JMY: variants seen among roughly 807,000 people sequenced by gnomAD.
The protein encoded by JMY is junction-mediating and -regulatory protein.
A neutral mutation model predicts 103.3 loss-of-function variants in JMY; 46 were observed. That is an observed-to-expected ratio of 0.45 (90% CI 0.35 to 0.57). JMY has a LOEUF of 0.57. Among genes scored for constraint, JMY ranks in the 20% least tolerant of loss-of-function variants. JMY has a pLI of 0.00. For synonymous variants in JMY, 526 were observed against 489.3 expected (o/e 1.07, Z -0.99); for missense variants, 1,238 against 1,255.2 (o/e 0.99, Z 0.21).
rs1256421514 is a variant in JMY at position 79,324,052 on chromosome 5, T to C, written c.*2450T>C. The stretch of plus-strand genomic sequence containing the variant: ...GGTGCAGGTTCCTACTTCTACAAAA[T>C]TTCAAATGATTGCAGGTCAAAAACC... On this transcript the variant is annotated 3_prime_UTR_variant, in exon 11 of 11. Transcript: ENST00000396137. 6.6e-6 allele frequency: 1 copy of C among 152,198 alleles called. No homozygotes were observed. Among genetic ancestry groups the C allele is most frequent in the East Asian group, 1.9e-4 (1 of 5,196 alleles). 9.4% of individuals were successfully genotyped at this position (152,198 alleles called of 1,614,324 possible).
rs1747634829 is a variant in JMY, at chr5:79,326,092, T to C, written c.*4490T>C. ...AAGGTGCATGTACAGAAAATACCTC[T>C]GAGGTTGACTTGTTAAATAACTGAT... On this transcript the variant is annotated 3_prime_UTR_variant, in exon 11 of 11. Coordinates refer to ENST00000396137, the MANE Select transcript of JMY (RefSeq NM_152405.5). 6.6e-6 allele frequency: 1 copy of C among 152,206 alleles called. No individual in the cohort carries two copies. Among genetic ancestry groups the C allele is most frequent in the Non-Finnish European group, 1.5e-5 (1 of 68,016 alleles). The allele number at this position is 152,206 out of a possible 1,614,324, so 9.4% of individuals were successfully genotyped here.
intron 2 of JMY, 89 bp downstream of exon 2, chr5:79,278,172 A>T (rs151298244): frequency 3.9e-5 from 5 of 128,430 alleles, no homozygotes; most frequent in Non-Finnish European, 5.3e-5. Flanking sequence ...AGGAACTTTA[A>T]AAAAAAAAAA....
chr5:79,278,585 C>CAAAAAA lies in JMY; in HGVS notation c.1206+525_1206+530dup, dbSNP rs34278536. Among the ~76,000 whole-genome samples the CAAAAAA allele has an allele frequency of 4.6e-3, 263 of 57,128 alleles. 20 individuals carry two copies. Among genetic ancestry groups the CAAAAAA allele is most frequent in the Non-Finnish European group, 5.6e-3 (190 of 33,726 alleles). The allele number at this position is 57,128 out of a possible 152,430, so 37.5% of individuals were successfully genotyped here. A position where few individuals can be genotyped will look rare whatever the true frequency, so the allele number is the denominator to read the frequency against. On this transcript the variant is annotated intron_variant, in intron 2 of 10. Transcript: ENST00000396137. Reference sequence around the variant, plus strand: ...GGGCAACACGGAGAACCCGTCTCTACAAAAAAAAAAAAAAAAAAAAAAAAA... The same window carrying CAAAAAA: ...GGGCAACACGGAGAACCCGTCTCTACAAAAAAAAAAAAAAAAAAAAAAAAAAAAAAA...
At chr5:79,317,583 AAT>A (rs563239328) in intron 10 of JMY, among the ~76,000 whole-genome samples, 230 of 152,314 alleles carry the variant, frequency 1.5e-3, no homozygotes, top group Non-Finnish European at 2.7e-3. Context: ...TTCTTGATGG[AAT>A]ATGTTTCTCT....
Position 79,316,209 on chromosome 5 carries a change from A to G in JMY, c.2869A>G (p.Thr957Ala), listed in dbSNP as rs1747213243. The change falls in exon 10 of 11, where the codon ACA (threonine) becomes GCA (alanine). Residue 957 changes from threonine to alanine, a missense_variant. Transcript: ENST00000396137. ...ACTTCTACCCGATACAGACCCTCTA[A>G]CACGGAGCATCCATGAAGCTCTTAG... is the stretch of plus-strand genomic sequence containing the variant. ...FTLLPDTDPL[T>A]RSIHEALRRI... is the part of the protein sequence containing the mutation. 6 of 1,614,022 alleles carry G rather than the reference A, an allele frequency of 3.7e-6. No homozygotes were observed. The East Asian group carries it at 1.3e-4, about 36-fold the overall frequency.
intron 4 of JMY, among the ~76,000 whole-genome samples, chr5:79,298,923 A>G (rs1283258119): frequency 6.6e-6 from 1 of 152,214 alleles, no homozygotes; most frequent in Non-Finnish European, 1.5e-5. Context: ...GGTTTTACCA[A>G]CCTCGCCAGA....
chr5:79,288,629 C>G (rs1285561342), intron 2 of JMY, among the ~76,000 whole-genome samples: 2 of 151,964 alleles, frequency 1.3e-5, no homozygotes, highest in African/African-American at 4.8e-5. Flanking sequence ...ATTTCTACAC[C>G]TGATGCTCCC....
At chr5:79,308,936 CTCT>C (rs1411007303) in intron 7 of JMY, among the ~76,000 whole-genome samples, 1 of 151,972 alleles carries the variant, frequency 6.6e-6, no homozygotes, top group African/African-American at 2.4e-5. Context: ...GTCTTTCTTC[CTCT>C]TCTTTGTCAG....
intron 1 of JMY, among the ~76,000 whole-genome samples, chr5:79,257,035 C>T (rs180980541): frequency 6.6e-6 from 1 of 151,552 alleles, no homozygotes; most frequent in African/African-American, 2.4e-5. Context: ...TTAAGTTCCA[C>T]ATTCCTTATT....
chr5:79,253,899 T>G (rs2112056107), intron 1 of JMY, among the ~76,000 whole-genome samples: 1 of 151,762 alleles, frequency 6.6e-6, no homozygotes, highest in South Asian at 2.1e-4. Context: ...AATACTGGGC[T>G]CAAGTGATCC....
At position 79,324,086 on chromosome 5, in the gene JMY, TACTC is replaced by T. The variant is rs1747552324; in HGVS notation, c.*2487_*2490del. 1.3e-5 allele frequency: 2 copies of T among 151,804 alleles called. No homozygotes were observed. The highest frequency in any genetic ancestry group is 2.1e-4 in the South Asian group (1 of 4,796). 9.4% of individuals were successfully genotyped at this position (151,804 alleles called of 1,614,324 possible). A position where few individuals can be genotyped will look rare whatever the true frequency, so the allele number is the denominator to read the frequency against. On this transcript the variant is annotated 3_prime_UTR_variant, in exon 11 of 11. Coordinates refer to ENST00000396137, the MANE Select transcript of JMY (RefSeq NM_152405.5). ...ATTGCAGGTCAAAAACCTTTGGAGTTACTCACAAATAATAATAAAATTTCAAATA... is the reference window on the plus strand; with the variant it reads ...ATTGCAGGTCAAAAACCTTTGGAGTTACAAATAATAATAAAATTTCAAATA...
At chr5:79,249,230 C>T (rs1745002821) in intron 1 of JMY, among the ~76,000 whole-genome samples, 1 of 150,960 alleles carries the variant, frequency 6.6e-6, no homozygotes, top group African/African-American at 2.4e-5. Flanking sequence ...CCATATTGGC[C>T]AGGCTGGTCT....
intron 1 of JMY, among the ~76,000 whole-genome samples, chr5:79,261,851 C>A (rs1158780011): frequency 6.6e-6 from 1 of 152,116 alleles, no homozygotes; most frequent in African/African-American, 2.4e-5. Flanking sequence ...TGTCAAACTC[C>A]TGGCCTCAAG....
At chr5:79,238,736 C>A (rs1473741241) in intron 1 of JMY, among the ~76,000 whole-genome samples, 1 of 151,634 alleles carries the variant, frequency 6.6e-6, no homozygotes, top group Non-Finnish European at 1.5e-5. Context: ...CAGCCTCCCC[C>A]TCCCGGGTTC....
At chr5:79,312,312 G>T in intron 7 of JMY, 91 bp from the exon 8 acceptor site, 1 of 676,148 alleles carries the variant, frequency 1.5e-6, no homozygotes, top group Non-Finnish European at 2.3e-6. Flanking sequence ...CATCCCCTTT[G>T]GCCCACATTA....
chr5:79,322,679 A>G lies in JMY; in HGVS notation c.*1077A>G, dbSNP rs1245430216. 6.6e-6 allele frequency: 1 copy of G among 152,200 alleles called. No individual in the cohort carries two copies. Among genetic ancestry groups the G allele is most frequent in the Non-Finnish European group, 1.5e-5 (1 of 68,036 alleles). 9.4% of individuals were successfully genotyped at this position (152,200 alleles called of 1,614,324 possible). On this transcript the variant is annotated 3_prime_UTR_variant, in exon 11 of 11. Transcript: ENST00000396137. The stretch of plus-strand genomic sequence containing the variant: ...AGTCACTAAAATTTTAAACTTATAC[A>G]CAGCTTTAGGTGCTGATTTTGGCTG...
intron 1 of JMY, among the ~76,000 whole-genome samples, chr5:79,252,960 G>T (rs1745132986): frequency 6.6e-6 from 1 of 151,968 alleles, no homozygotes; most frequent in East Asian, 1.9e-4. Flanking sequence ...CCATTTTGTT[G>T]TTTTCTGTTT....
chr5:79,241,696 T>C (rs1263103415), intron 1 of JMY, among the ~76,000 whole-genome samples: 3 of 152,328 alleles, frequency 2.0e-5, no homozygotes, highest in African/African-American at 4.8e-5. Flanking sequence ...TTAAAAGTTA[T>C]GTTTATGCTA....
At position 79,237,292 on chromosome 5, in the gene JMY, G is replaced by T. The variant is rs1310461582; in HGVS notation, c.642G>T (p.Pro214=). 2 of 1,556,756 alleles carry T rather than the reference G, an allele frequency of 1.3e-6. No individual in the cohort carries two copies. The highest frequency in any genetic ancestry group is 1.4e-5 in the African/African-American group (1 of 73,244). The change falls in exon 1 of 11, where the codon CCG becomes CCT. Residue 214 remains proline, a synonymous_variant. Transcript: ENST00000396137. The part of the protein sequence containing the change: ...APLALSDAEQ[P]PPATELESPA... The stretch of plus-strand genomic sequence containing the variant: ...TGGCGCTCTCGGACGCGGAGCAGCC[G>T]CCGCCCGCCACCGAGCTGGAGTCTC...
Sources: gnomAD v4.1 joint callset for allele counts (sites outside exome capture counted in the v4.1 genomes callset) on GRCh38, gnomAD v4.1.1 for gene constraint, MANE v1.5 for transcripts, NCBI Gene and HGNC (gene_info 2026-07-23, HGNC 2026-07-21) for gene names.